The following OXR1 variants were observed in gnomAD, a reference collection of about 807,000 sequenced individuals.
OXR1 encodes the protein oxidation resistance protein 1.
Under a neutral mutation model 104.6 loss-of-function variants are expected in OXR1, and 41 were observed. The observed-to-expected ratio is 0.39, with a 90% CI of 0.31 to 0.51. OXR1 has a LOEUF of 0.51. Ranked by LOEUF, OXR1 falls within the 20% of genes least tolerant of loss-of-function variation. The pLI is 0.77. For synonymous variants in OXR1, 348 were observed against 348.4 expected (o/e 1.00, Z 0.01); for missense variants, 955 against 1,031.9 (o/e 0.93, Z 1.02).
At chr8:106,651,025 AG>A (rs1824526753) in intron 3 of OXR1, among the ~76,000 whole-genome samples, 1 of 152,200 alleles carries the variant, frequency 6.6e-6, no homozygotes, top group Non-Finnish European at 1.5e-5. Flanking sequence ...TTCATACATC[AG>A]TAGGATAAAT....
intron 2 of OXR1, among the ~76,000 whole-genome samples, chr8:106,407,447 C>A (rs1818287031): frequency 6.6e-6 from 1 of 152,142 alleles, no homozygotes; most frequent in Non-Finnish European, 1.5e-5. Flanking sequence ...GAAGGGTGTC[C>A]ATTTTAATAA....
At chr8:106,316,963 C>T (rs118047343) in intron 1 of OXR1, among the ~76,000 whole-genome samples, 21 of 152,072 alleles carry the variant, frequency 1.4e-4, no homozygotes, top group African/African-American at 3.9e-4. Flanking sequence ...CCTCGCCTCC[C>T]GGGTTCAAGT....
chr8:106,566,866 C>A (rs895450345), intron 3 of OXR1, among the ~76,000 whole-genome samples: 5 of 152,132 alleles, frequency 3.3e-5, no homozygotes, highest in African/African-American at 1.2e-4. Flanking sequence ...AACACAGGAA[C>A]AGAAAATCAA....
At chr8:106,480,664 A>G (rs1359725229) in intron 2 of OXR1, among the ~76,000 whole-genome samples, 2 of 151,880 alleles carry the variant, frequency 1.3e-5, no homozygotes, top group Non-Finnish European at 2.9e-5. Context: ...GCATAGCAAA[A>G]TGTGCTCCAA....
At chr8:106,521,524 G>GTTA (rs1451623047) in intron 3 of OXR1, among the ~76,000 whole-genome samples, 1 of 151,716 alleles carries the variant, frequency 6.6e-6, no homozygotes, top group East Asian at 1.9e-4. Context: ...GAGGAGTGTT[G>GTTA]TTGTTTGAGA....
intron 2 of OXR1, among the ~76,000 whole-genome samples, chr8:106,435,086 G>C (rs934453508): frequency 2.0e-5 from 3 of 152,126 alleles, no homozygotes; most frequent in Admixed American, 2.0e-4. Flanking sequence ...AGCTGAATGA[G>C]GGATCACTGT....
chr8:106,304,583 A>T (rs1813397607), intron 1 of OXR1, among the ~76,000 whole-genome samples: 1 of 152,000 alleles, frequency 6.6e-6, no homozygotes, highest in Non-Finnish European at 1.5e-5. Flanking sequence ...AATACATTTT[A>T]TCTAGCTCAA....
intron 2 of OXR1, among the ~76,000 whole-genome samples, chr8:106,363,491 A>C (rs1816334003): frequency 6.6e-6 from 1 of 152,216 alleles, no homozygotes; most frequent in Non-Finnish European, 1.5e-5. Context: ...AAAATGACCT[A>C]AATCTTATAA....
intron 9 of OXR1, among the ~76,000 whole-genome samples, chr8:106,709,795 T>G (rs1217253560): frequency 6.6e-6 from 1 of 152,164 alleles, no homozygotes; most frequent in Non-Finnish European, 1.5e-5. Context: ...CTTTATGACT[T>G]TATAATAAAA....
chr8:106,491,523 C>T (rs1423620493), intron 2 of OXR1, among the ~76,000 whole-genome samples: 1 of 152,062 alleles, frequency 6.6e-6, no homozygotes, highest in Non-Finnish European at 1.5e-5. Flanking sequence ...CTTCCTAATC[C>T]CCATAAAAAC....
chr8:106,671,044 C>CAA (rs60404483), intron 3 of OXR1, among the ~76,000 whole-genome samples: 600 of 48,914 alleles, frequency 0.012, 32 homozygotes, highest in Non-Finnish European at 0.015. Flanking sequence ...GACTCTGTCT[C>CAA]AAAAAAAAAA....
At chr8:106,388,586 C>T (rs184999189) in intron 2 of OXR1, among the ~76,000 whole-genome samples, 1 of 152,128 alleles carries the variant, frequency 6.6e-6, no homozygotes, top group Non-Finnish European at 1.5e-5. Context: ...CCACACCTGG[C>T]TAATTTTTTG....
At chr8:106,316,460 C>T (rs1269261932) in intron 1 of OXR1, among the ~76,000 whole-genome samples, 1 of 152,124 alleles carries the variant, frequency 6.6e-6, no homozygotes, top group Non-Finnish European at 1.5e-5. Flanking sequence ...CATTTATCTG[C>T]CATCTTCTTA....
intron 1 of OXR1, among the ~76,000 whole-genome samples, chr8:106,344,863 C>T (rs936090157): frequency 1.3e-5 from 2 of 152,132 alleles, no homozygotes; most frequent in Non-Finnish European, 2.9e-5. Context: ...TCTTACATGC[C>T]TTTCACAATT....
intron 11 of OXR1, among the ~76,000 whole-genome samples, chr8:106,715,593 T>C (rs1832160698): frequency 6.6e-6 from 1 of 151,880 alleles, no homozygotes; most frequent in African/African-American, 2.4e-5. Flanking sequence ...GAAATAAAGC[T>C]AGAAGAAAAG....
chr8:106,671,405 A>G (rs1404113364), intron 3 of OXR1, among the ~76,000 whole-genome samples: 1 of 152,186 alleles, frequency 6.6e-6, no homozygotes, highest in Non-Finnish European at 1.5e-5. Flanking sequence ...TTAAATACGC[A>G]TGTATTCAGC....
At position 106,490,791 on chromosome 8, in the gene OXR1, A is replaced by G. The variant is rs1357983802; in HGVS notation, c.24-28152A>G. 3.3e-5 allele frequency among the ~76,000 whole-genome samples: 5 copies of G among 152,258 alleles called. No individual in the cohort carries two copies. In the East Asian group the frequency reaches 5.8e-4, roughly 18 times the overall value. ...ATCTCTGGCCAAGAGTAAGCCTTCT[A>G]TTCTGTCACCTTGGCTTGGAAAGCA... On this transcript the variant is annotated intron_variant, in intron 2 of 16. Coordinates refer to ENST00000517566, the MANE Select transcript of OXR1 (RefSeq NM_001198533.2).
At chr8:106,319,679 C>T (rs16874377) in intron 1 of OXR1, among the ~76,000 whole-genome samples, 13,451 of 152,170 alleles carry the variant, frequency 0.088, 694 homozygotes, top group African/African-American at 0.14. Flanking sequence ...GCCGTTTTCC[C>T]GTAGGCAGCA....
intron 3 of OXR1, among the ~76,000 whole-genome samples, chr8:106,604,617 C>T (rs892483638): frequency 2.6e-5 from 4 of 152,124 alleles, no homozygotes; most frequent in Non-Finnish European, 5.9e-5. Context: ...ATTTTGATAG[C>T]GTGACCTTAA....
Sources: gnomAD v4.1 joint callset for allele counts (sites outside exome capture counted in the v4.1 genomes callset) on GRCh38, gnomAD v4.1.1 for gene constraint, MANE v1.5 for transcripts, NCBI Gene and HGNC (gene_info 2026-07-23, HGNC 2026-07-21) for gene names.